SPATA6: variants seen among roughly 807,000 people sequenced by gnomAD.
The protein encoded by SPATA6 is spermatogenesis associated 6, also known as spermatogenesis-associated protein 6.
SPATA6 carries 56 observed loss-of-function variants against 65.3 expected under a neutral mutation model. The ratio of observed to expected loss-of-function variants is 0.86; its 90% CI spans 0.69 to 1.07. The LOEUF (loss-of-function observed/expected upper bound fraction) is 1.07, where lower values mean the gene tolerates loss of function less well. SPATA6 is among the 50% of genes least tolerant of loss of function. The probability of loss-of-function intolerance (pLI) is 0.00; values close to 1 mark genes in which losing one functional copy is unlikely to be tolerated. For synonymous variants in SPATA6, 199 were observed against 213.2 expected (o/e 0.93, Z 0.58); for missense variants, 590 against 594.8 (o/e 0.99, Z 0.08).
At chr1:48,420,011 C>T (rs1653170207) in intron 3 of SPATA6, among the ~76,000 whole-genome samples, 1 of 152,020 alleles carries the variant, frequency 6.6e-6, no homozygotes, top group South Asian at 2.1e-4. Context: ...TCAGGATGGG[C>T]CTGGTCACTG....
intron 8 of SPATA6, among the ~76,000 whole-genome samples, chr1:48,387,523 G>A (rs1364205157): frequency 6.6e-6 from 1 of 152,086 alleles, no homozygotes; most frequent in African/African-American, 2.4e-5. Flanking sequence ...CAAGTAGCAG[G>A]GCAGAAGTAC....
At chr1:48,330,935 G>A (rs1308823681) in intron 11 of SPATA6, among the ~76,000 whole-genome samples, 1 of 152,152 alleles carries the variant, frequency 6.6e-6, no homozygotes, top group Admixed American at 6.5e-5. Flanking sequence ...CCCAACAAAA[G>A]AAATGCAGAG....
chr1:48,283,351 TAA>T, the SPATA6 span, among the ~76,000 whole-genome samples: 6 of 150,692 alleles, frequency 4.0e-5, no homozygotes, highest in Admixed American at 4.0e-4. Flanking sequence ...AAATAAAAAA[TAA>T]AAAAAATTTT....
At chr1:48,367,867 A>C (rs1446339161) in intron 9 of SPATA6, among the ~76,000 whole-genome samples, 6 of 152,186 alleles carry the variant, frequency 3.9e-5, no homozygotes, top group African/African-American at 1.4e-4. Context: ...TTTGCTCATT[A>C]GTTCATGCAG....
the SPATA6 span, among the ~76,000 whole-genome samples, chr1:48,267,690 G>A: frequency 1.4e-5 from 2 of 145,514 alleles, no homozygotes; most frequent in African/African-American, 2.5e-5. Flanking sequence ...GCCTGTGTGT[G>A]TTCTTCTGCA....
At chr1:48,278,630 G>C in the SPATA6 span, among the ~76,000 whole-genome samples, 1 of 152,096 alleles carries the variant, frequency 6.6e-6, no homozygotes, top group Non-Finnish European at 1.5e-5. Context: ...GAAGTTTAGA[G>C]GAAAAAGAAC....
chr1:48,404,638 T>C (rs532260204), intron 5 of SPATA6, among the ~76,000 whole-genome samples: 18 of 152,238 alleles, frequency 1.2e-4, no homozygotes, highest in Admixed American at 1.0e-3. Context: ...CCACTGGGTC[T>C]GGCCTGTCCA....
intron 3 of SPATA6, among the ~76,000 whole-genome samples, chr1:48,444,340 C>T (rs964701179): frequency 3.3e-5 from 5 of 151,766 alleles, no homozygotes; most frequent in African/African-American, 1.2e-4. Context: ...CACCAATCAG[C>T]ACTCTGGGTC....
intron 3 of SPATA6, among the ~76,000 whole-genome samples, chr1:48,419,641 A>T (rs1343432543): frequency 6.6e-6 from 1 of 152,208 alleles, no homozygotes; most frequent in Non-Finnish European, 1.5e-5. Flanking sequence ...AAAGATAAGT[A>T]TGGGTAAGGG....
chr1:48,313,879 G>A (rs12057796), intron 11 of SPATA6, among the ~76,000 whole-genome samples: 75 of 152,214 alleles, frequency 4.9e-4, no homozygotes, highest in African/African-American at 1.6e-3. Flanking sequence ...AAAAAAGGCA[G>A]GGGTTGCAAT....
intron 12 of SPATA6, among the ~76,000 whole-genome samples, chr1:48,304,491 G>A (rs757901662): frequency 1.3e-5 from 2 of 152,110 alleles, no homozygotes; most frequent in Non-Finnish European, 2.9e-5. Context: ...AATTACCCAT[G>A]ATATCCCATT....
At chr1:48,313,516 G>T (rs1015684596) in intron 11 of SPATA6, among the ~76,000 whole-genome samples, 2 of 152,066 alleles carry the variant, frequency 1.3e-5, no homozygotes, top group African/African-American at 4.8e-5. Flanking sequence ...TCACCACCAG[G>T]CCTGCCCTAA....
At chr1:48,280,810 G>A in the SPATA6 span, among the ~76,000 whole-genome samples, 2 of 152,142 alleles carry the variant, frequency 1.3e-5, no homozygotes, top group Admixed American at 1.3e-4. Flanking sequence ...AGAAAAAGAG[G>A]GAATCCTCCC....
chr1:48,359,463 T>A, intron 10 of SPATA6, 123 bp downstream of exon 10: 1 of 1,110,684 alleles, frequency 9.0e-7, no homozygotes, highest in Non-Finnish European at 1.3e-6. Context: ...CAAAAACAAT[T>A]TAAGCCTTTT....
chr1:48,365,315 G>C (rs1490148758), intron 9 of SPATA6, among the ~76,000 whole-genome samples: 3 of 152,140 alleles, frequency 2.0e-5, no homozygotes, highest in African/African-American at 2.4e-5. Flanking sequence ...CTTTAAAGTA[G>C]TTTTTTCCAA....
chr1:48,467,469 G>GT (rs1270756728), intron 1 of SPATA6, among the ~76,000 whole-genome samples: 61 of 152,192 alleles, frequency 4.0e-4, no homozygotes, highest in African/African-American at 1.1e-3. Flanking sequence ...ACCGAGCCAA[G>GT]TATGTTCAAA....
At chr1:48,467,326 A>G (rs917692791) in intron 1 of SPATA6, among the ~76,000 whole-genome samples, 1 of 152,136 alleles carries the variant, frequency 6.6e-6, no homozygotes, top group Non-Finnish European at 1.5e-5. Context: ...GGTAGAGAAG[A>G]ATGAGATTGC....
At chr1:48,364,597 CTTCTT>C (rs1487565581) in intron 9 of SPATA6, among the ~76,000 whole-genome samples, 2 of 152,094 alleles carry the variant, frequency 1.3e-5, no homozygotes, top group African/African-American at 2.4e-5. Flanking sequence ...GCATAAATGT[CTTCTT>C]TTGAGACATG....
chr1:48,437,910 AC>A (rs1655091702), intron 3 of SPATA6, among the ~76,000 whole-genome samples: 1 of 147,340 alleles, frequency 6.8e-6, no homozygotes, highest in African/African-American at 2.4e-5. Context: ...AAAAAAAAAA[AC>A]ACACCAATCA....
Sources: allele counts gnomAD v4.1 joint callset (sites outside exome capture counted in the v4.1 genomes callset), GRCh38; gene constraint gnomAD v4.1.1; transcripts MANE v1.5; gene names NCBI Gene and HGNC (gene_info 2026-07-23, HGNC 2026-07-21).